CSMD1: variants seen among roughly 807,000 people sequenced by gnomAD.
The protein encoded by CSMD1 is CUB and Sushi multiple domains 1.
Under a neutral mutation model 417.5 loss-of-function variants are expected in CSMD1, and 213 were observed. That is an observed-to-expected ratio of 0.51 (90% CI 0.46 to 0.57). The LOEUF (loss-of-function observed/expected upper bound fraction) is 0.57, where lower values mean the gene tolerates loss of function less well. Among genes scored for constraint, CSMD1 ranks in the 20% least tolerant of loss-of-function variants. The probability of loss-of-function intolerance (pLI) is 0.00; values close to 1 mark genes in which losing one functional copy is unlikely to be tolerated. For missense variants in CSMD1, 6,923 were observed against 4,529.7 expected (o/e 1.53, Z -15.17); for synonymous variants, 2,862 against 1,736.8 (o/e 1.65, Z -16.11).
chr8:3,862,845 A>T (rs887688496), intron 5 of CSMD1, among the ~76,000 whole-genome samples: 1 of 152,144 alleles, frequency 6.6e-6, no homozygotes, highest in African/African-American at 2.4e-5. Context: ...CAGGTGTCAA[A>T]ATCTCTTGGT....
intron 5 of CSMD1, among the ~76,000 whole-genome samples, chr8:3,971,890 T>C (rs986091493): frequency 6.6e-6 from 1 of 152,208 alleles, no homozygotes; most frequent in African/African-American, 2.4e-5. Context: ...GTTGATTTTT[T>C]TGTTGACTTT....
At chr8:4,061,580 A>T (rs1208774192) in intron 3 of CSMD1, among the ~76,000 whole-genome samples, 1 of 152,198 alleles carries the variant, frequency 6.6e-6, no homozygotes, top group African/African-American at 2.4e-5. Flanking sequence ...TGACTATGGT[A>T]AGGAAGTTGT....
At chr8:3,660,935 C>A (rs2624082) in intron 7 of CSMD1, among the ~76,000 whole-genome samples, 1 of 152,174 alleles carries the variant, frequency 6.6e-6, no homozygotes, top group East Asian at 1.9e-4. Flanking sequence ...TCTTGAGTTC[C>A]TGCACACACA....
At chr8:4,370,398 A>C (rs776282990) in intron 3 of CSMD1, among the ~76,000 whole-genome samples, 5 of 152,120 alleles carry the variant, frequency 3.3e-5, no homozygotes, top group Non-Finnish European at 5.9e-5. Context: ...AGACCTTGGA[A>C]AATCTGATGA....
intron 10 of CSMD1, among the ~76,000 whole-genome samples, chr8:3,516,614 T>G (rs759897805): frequency 2.0e-5 from 3 of 152,192 alleles, no homozygotes; most frequent in Non-Finnish European, 4.4e-5. Flanking sequence ...AGGATGTTTA[T>G]TTTTGTTGTT....
At chr8:3,962,315 G>A (rs543398594) in intron 5 of CSMD1, among the ~76,000 whole-genome samples, 139 of 89,762 alleles carry the variant, frequency 1.5e-3, no homozygotes, top group Admixed American at 2.6e-3. Context: ...TTTGGTTCCA[G>A]CAGTGACAGA....
At chr8:3,623,875 G>A (rs1343730833) in intron 7 of CSMD1, among the ~76,000 whole-genome samples, 1 of 152,030 alleles carries the variant, frequency 6.6e-6, no homozygotes, top group East Asian at 1.9e-4. Flanking sequence ...TACTCTGGAG[G>A]CTGAGGCAGG....
At chr8:4,070,513 A>G (rs1394780376) in intron 3 of CSMD1, among the ~76,000 whole-genome samples, 5 of 151,920 alleles carry the variant, frequency 3.3e-5, no homozygotes, top group South Asian at 4.2e-4. Flanking sequence ...GCCCGCCACC[A>G]CGGCCGGCTA....
chr8:3,661,717 G>A (rs914495448), intron 7 of CSMD1, among the ~76,000 whole-genome samples: 2 of 151,968 alleles, frequency 1.3e-5, no homozygotes, highest in Non-Finnish European at 2.9e-5. Flanking sequence ...GGCTAGTCTC[G>A]AACTCCTGAC....
At chr8:3,905,987 G>C (rs1216944977) in intron 5 of CSMD1, among the ~76,000 whole-genome samples, 1 of 152,140 alleles carries the variant, frequency 6.6e-6, no homozygotes, top group Admixed American at 6.5e-5. Context: ...TCTTTTACCA[G>C]ATGGTTGTTA....
At chr8:3,779,762 C>G (rs17067506) in intron 5 of CSMD1, among the ~76,000 whole-genome samples, 2 of 152,114 alleles carry the variant, frequency 1.3e-5, no homozygotes, top group Admixed American at 6.5e-5. Flanking sequence ...AAAGAGATCC[C>G]AGGTCCTCAT....
chr8:4,761,912 A>AATCT (rs60693169), intron 1 of CSMD1, among the ~76,000 whole-genome samples: 10,760 of 97,610 alleles, frequency 0.11, 668 homozygotes, highest in Middle Eastern at 0.15. Context: ...TCTATCTATC[A>AATCT]ATCTATCTAT....
At chr8:4,057,721 G>A (rs1343059531) in intron 3 of CSMD1, among the ~76,000 whole-genome samples, 1 of 151,854 alleles carries the variant, frequency 6.6e-6, no homozygotes, top group Non-Finnish European at 1.5e-5. Flanking sequence ...CAAGGTGTAA[G>A]GAAGGGATCC....
chr8:2,940,811 G>A (rs550169254), intron 69 of CSMD1, among the ~76,000 whole-genome samples: 197 of 152,270 alleles, frequency 1.3e-3, no homozygotes, highest in African/African-American at 4.3e-3. Context: ...CAGCTTTAAT[G>A]GACTAGACCT....
chr8:4,526,808 C>G (rs1345083201), intron 2 of CSMD1, among the ~76,000 whole-genome samples: 1 of 152,094 alleles, frequency 6.6e-6, no homozygotes, highest in Non-Finnish European at 1.5e-5. Context: ...ATACTCTAAC[C>G]CTGGAGAATA....
chr8:3,146,707 A>G (rs1818866736), intron 40 of CSMD1, among the ~76,000 whole-genome samples: 1 of 152,228 alleles, frequency 6.6e-6, no homozygotes, highest in African/African-American at 2.4e-5. Context: ...TCGGTTACTG[A>G]GGCAGGGTAT....
At chr8:3,855,922 G>A (rs113885899) in intron 5 of CSMD1, among the ~76,000 whole-genome samples, 2,032 of 152,206 alleles carry the variant, frequency 0.013, 33 homozygotes, top group African/African-American at 0.044. Flanking sequence ...ATCTGTACGG[G>A]TGAGATAAAT....
chr8:3,728,255 T>G (rs74612056), intron 6 of CSMD1, among the ~76,000 whole-genome samples: 6,266 of 152,178 alleles, frequency 0.041, 210 homozygotes, highest in African/African-American at 0.095. Flanking sequence ...TGGTTCTTAT[T>G]CTCTCTTTGC....
At chr8:4,841,288 A>C (rs1273269901) in intron 1 of CSMD1, among the ~76,000 whole-genome samples, 1 of 152,244 alleles carries the variant, frequency 6.6e-6, no homozygotes, top group Non-Finnish European at 1.5e-5. Flanking sequence ...GATTAGCCTT[A>C]AGATTTTTAA....
Sources: allele counts gnomAD v4.1 joint callset (sites outside exome capture counted in the v4.1 genomes callset), GRCh38; gene constraint gnomAD v4.1.1; transcripts MANE v1.5; gene names NCBI Gene and HGNC (gene_info 2026-07-23, HGNC 2026-07-21).